Variants in KIAA0586 observed in about 807,000 individuals in gnomAD.
KIAA0586 encodes the protein KIAA0586, also known as protein TALPID3.
KIAA0586 carries 144 observed loss-of-function variants against 169.8 expected under a neutral mutation model. That is an observed-to-expected ratio of 0.85 (90% CI 0.74 to 0.97). KIAA0586 has a LOEUF of 0.97. Among genes scored for constraint, KIAA0586 ranks in the 50% least tolerant of loss-of-function variants. KIAA0586 has a pLI of 0.00. For missense variants in KIAA0586, 1,854 were observed against 1,823.0 expected, an observed-to-expected ratio of 1.02 and a Z score of -0.31; for synonymous variants, 625 against 612.4, an observed-to-expected ratio of 1.02 and a Z score of -0.30.
At chr14:58,529,382 A>C (rs2045808052) in intron 29 of KIAA0586, among the ~76,000 whole-genome samples, 1 of 152,082 alleles carries the variant, frequency 6.6e-6, no homozygotes, top group South Asian at 2.1e-4. Flanking sequence ...TGATACGAAA[A>C]CCTGGCAGAG....
In KIAA0586 at chr14:58,474,661, A is replaced by G. The variant is rs1453727908; in HGVS notation, c.2689A>G (p.Arg897Gly). ...CTCTGAACCAATTCTGGAGTTTAAC[A>G]GAAGTGTTAAAGCTGATTCTACAAA... ...PDSEPILEFN[R>G]SVKADSTKYN... The change falls in exon 19 of 31, where the codon AGA becomes GGA. Residue 897 changes from arginine to glycine, a missense_variant. Arg to Gly is a moderately radical substitution (Grantham distance 125). Transcript: ENST00000652326. 1.2e-6 allele frequency: 2 copies of G among 1,607,214 alleles called. No individual in the cohort carries two copies. Among genetic ancestry groups the G allele is most frequent in the South Asian group, 2.2e-5 (2 of 88,940 alleles).
At chr14:58,536,343 G>A (rs894562495) in intron 29 of KIAA0586, among the ~76,000 whole-genome samples, 24 of 139,356 alleles carry the variant, frequency 1.7e-4, no homozygotes, top group Admixed American at 1.1e-3. Context: ...ATTTCTATCC[G>A]TATGTCCATG....
chr14:58,489,681 CTAAT>C (rs2042710006), intron 24 of KIAA0586, among the ~76,000 whole-genome samples: 1 of 152,138 alleles, frequency 6.6e-6, no homozygotes, highest in Non-Finnish European at 1.5e-5. Context: ...ACACAACTCT[CTAAT>C]TACCATCCTT....
the KIAA0586 span, among the ~76,000 whole-genome samples, chr14:58,559,223 G>A: frequency 4.7e-4 from 71 of 152,308 alleles, 2 homozygotes; most frequent in Admixed American, 3.9e-3. Flanking sequence ...ATTTGAGAGA[G>A]TCTGTATGCA....
intron 30 of KIAA0586, among the ~76,000 whole-genome samples, chr14:58,542,797 A>AC (rs1452720204): frequency 6.6e-6 from 1 of 152,164 alleles, no homozygotes; most frequent in Non-Finnish European, 1.5e-5. Context: ...TCTATGTTCC[A>AC]GCACTATATA....
chr14:58,539,840 A>C (rs572414072), intron 29 of KIAA0586: 1 of 314,902 alleles, frequency 3.2e-6, no homozygotes, highest in Non-Finnish European at 5.8e-6. Context: ...CCCATCTGTG[A>C]TGCATAAAGA....
At chr14:58,458,276 T>C (rs1387195661) in intron 11 of KIAA0586, among the ~76,000 whole-genome samples, 197 bp from the exon 12 acceptor site, 1 of 152,168 alleles carries the variant, frequency 6.6e-6, no homozygotes, top group Non-Finnish European at 1.5e-5. Flanking sequence ...ACTAATACCA[T>C]GAAAACAAAT....
chr14:58,494,010 A>G (rs746848652), intron 26 of KIAA0586, among the ~76,000 whole-genome samples: 1 of 152,222 alleles, frequency 6.6e-6, no homozygotes, highest in Non-Finnish European at 1.5e-5. Flanking sequence ...TTCTTTTTGG[A>G]AATCACTAAT....
intron 19 of KIAA0586, among the ~76,000 whole-genome samples, chr14:58,475,802 C>T (rs542920019): frequency 6.6e-6 from 1 of 152,148 alleles, no homozygotes; most frequent in Admixed American, 6.5e-5. Flanking sequence ...CAAGATCTTA[C>T]TCAAAAGTAA....
intron 16 of KIAA0586, among the ~76,000 whole-genome samples, chr14:58,469,442 C>T (rs2041029053): frequency 6.6e-6 from 1 of 152,158 alleles, no homozygotes; most frequent in African/African-American, 2.4e-5. Context: ...CCCACTAACC[C>T]AGTGGTGCAG....
intron 26 of KIAA0586, among the ~76,000 whole-genome samples, chr14:58,496,897 A>AT (rs879612971): frequency 6.6e-6 from 1 of 152,132 alleles, no homozygotes; most frequent in African/African-American, 2.4e-5. Flanking sequence ...AGGATATATA[A>AT]TTTTTTAATA....
Position 58,547,876 on chromosome 14 carries a change from CTGA to C in KIAA0586, c.4592_4594del (p.Leu1531_Ser1532delinsArg). 6.2e-7 allele frequency: 1 copy of C among 1,613,764 alleles called. No homozygotes were observed. Among genetic ancestry groups the C allele is most frequent in the Non-Finnish European group, 8.5e-7 (1 of 1,179,760 alleles). ...GAACCTCGAGGACTGCTCTCAGTCT[CTGA>C]GTCTCAGCACAATGCAGGAGGACAT... On this transcript the variant is annotated inframe_deletion, in exon 31 of 31. Transcript: ENST00000652326.
chr14:58,487,208 C>A, intron 22 of KIAA0586, 42 bp downstream of exon 22: 1 of 1,515,148 alleles, frequency 6.6e-7, no homozygotes, highest in Non-Finnish European at 9.1e-7. Context: ...ATTTTAGCAA[C>A]TATTAAATTT....
intron 29 of KIAA0586, 30 bp downstream of exon 29, chr14:58,512,657 T>C: frequency 9.0e-7 from 1 of 1,115,472 alleles, no homozygotes; most frequent in Non-Finnish European, 1.3e-6. Context: ...AATAATACAA[T>C]AGTTTGATAC....
chr14:58,503,828 A>T (rs1361949668), intron 27 of KIAA0586, among the ~76,000 whole-genome samples: 1 of 151,494 alleles, frequency 6.6e-6, no homozygotes, highest in Non-Finnish European at 1.5e-5. Flanking sequence ...AAAAAAAAGC[A>T]AGGGTTAATC....
intron 19 of KIAA0586, among the ~76,000 whole-genome samples, chr14:58,475,027 T>C (rs2041500680): frequency 1.3e-5 from 2 of 152,242 alleles, no homozygotes; most frequent in Admixed American, 1.3e-4. Flanking sequence ...ACAAGTAGAC[T>C]ATTAGGAAGC....
chr14:58,488,587 C>T lies in KIAA0586; in HGVS notation c.3528-34C>T, dbSNP rs201623443. On this transcript the variant is annotated intron_variant, in intron 23 of 30. Coordinates refer to ENST00000652326, the MANE Select transcript of KIAA0586 (RefSeq NM_001329943.3). ...AAAATGAATACAGGCCTTCAGTGAC[C>T]TAACAAGCTCCAAATATGTCTTTAT... The T allele has an allele frequency of 3.4e-4, 554 of 1,608,150 alleles. 2 individuals carry two copies. In the African/African-American group the frequency reaches 6.2e-3, roughly 18 times the overall value.
At chr14:58,479,246 T>G (rs2041867145) in intron 20 of KIAA0586, among the ~76,000 whole-genome samples, 1 of 152,240 alleles carries the variant, frequency 6.6e-6, no homozygotes, top group Non-Finnish European at 1.5e-5. Context: ...TTTCCCTAAC[T>G]ATACTAATAC....
chr14:58,433,699 T>C (rs1305807652), intron 4 of KIAA0586, among the ~76,000 whole-genome samples: 1 of 152,176 alleles, frequency 6.6e-6, no homozygotes, highest in African/African-American at 2.4e-5. Flanking sequence ...TTTAGAAATT[T>C]AGCAGGAAAA....
Sources: allele counts gnomAD v4.1 joint callset (sites outside exome capture counted in the v4.1 genomes callset), GRCh38; gene constraint gnomAD v4.1.1; transcripts MANE v1.5; gene names NCBI Gene and HGNC (gene_info 2026-07-23, HGNC 2026-07-21).